Variants in SLC5A4 observed in about 807,000 individuals in gnomAD.
SLC5A4 encodes the protein probable glucose sensor protein SLC5A4.
In SLC5A4, 55 loss-of-function variants were observed where a neutral mutation model predicts 70.3. The ratio of observed to expected loss-of-function variants is 0.78; its 90% confidence interval spans 0.63 to 0.98. The LOEUF (loss-of-function observed/expected upper bound fraction) is 0.98, where lower values mean the gene tolerates loss of function less well. Among genes scored for constraint, SLC5A4 ranks in the 50% least tolerant of loss-of-function variants. SLC5A4 has a pLI of 0.00. For missense variants in SLC5A4, 735 were observed against 839.2 expected, an observed-to-expected ratio of 0.88 and a Z score of 1.53; for synonymous variants, 268 against 305.7, an observed-to-expected ratio of 0.88 and a Z score of 1.29.
At chr22:32,274,000 C>T in the SLC5A4 span, among the ~76,000 whole-genome samples, 1 of 149,690 alleles carries the variant, frequency 6.7e-6, no homozygotes, top group South Asian at 2.1e-4. Context: ...GAAAACTGTA[C>T]AAAACAGTGC....
At chr22:32,325,079 G>GC in the SLC5A4 span, among the ~76,000 whole-genome samples, 1 of 152,230 alleles carries the variant, frequency 6.6e-6, no homozygotes, top group Non-Finnish European at 1.5e-5. Context: ...AGGTCGCCTT[G>GC]CCCCTCATTG....
intron 5 of SLC5A4, among the ~76,000 whole-genome samples, chr22:32,240,599 T>C (rs1022012118): frequency 3.3e-5 from 5 of 152,196 alleles, no homozygotes; most frequent in African/African-American, 1.2e-4. Context: ...AAGAGACAAA[T>C]TGCGTAACAT....
intron 4 of SLC5A4, 84 bp downstream of exon 4, chr22:32,248,659 C>A: frequency 1.0e-6 from 1 of 971,342 alleles, no homozygotes; most frequent in Non-Finnish European, 1.7e-6. Context: ...CCTGGCAATA[C>A]TCATTGTCTC....
the SLC5A4 span, among the ~76,000 whole-genome samples, chr22:32,283,812 T>A: frequency 5.3e-5 from 8 of 152,174 alleles, no homozygotes; most frequent in African/African-American, 1.9e-4. Flanking sequence ...CTCACAAAAT[T>A]CCTAAAAATT....
chr22:32,278,763 A>G, the SLC5A4 span, among the ~76,000 whole-genome samples: 1 of 152,334 alleles, frequency 6.6e-6, no homozygotes, highest in Non-Finnish European at 1.5e-5. Context: ...AATTTTCTAC[A>G]TTGTAGTTAA....
the SLC5A4 span, among the ~76,000 whole-genome samples, chr22:32,306,309 C>A: frequency 7.5e-6 from 1 of 133,614 alleles, no homozygotes; most frequent in South Asian, 2.7e-4. Context: ...ACTAAAAATA[C>A]AAAAAATTAG....
chr22:32,341,561 A>T, the SLC5A4 span, among the ~76,000 whole-genome samples: 9,212 of 152,268 alleles, frequency 0.06, 527 homozygotes, highest in East Asian at 0.32. Context: ...GAATCCTGGG[A>T]CAGCAGAGCA....
chr22:32,226,677 A>AT (rs529788486), intron 11 of SLC5A4, among the ~76,000 whole-genome samples: 119 of 151,688 alleles, frequency 7.8e-4, no homozygotes, highest in Admixed American at 2.3e-3. Context: ...TACTGTTGGT[A>AT]TTTTTTTTTA....
intron 5 of SLC5A4, among the ~76,000 whole-genome samples, chr22:32,245,193 A>T (rs1926747860): frequency 6.6e-6 from 1 of 152,226 alleles, no homozygotes; most frequent in Non-Finnish European, 1.5e-5. Context: ...ATAAGTAACT[A>T]GGAGACAATC....
the SLC5A4 span, among the ~76,000 whole-genome samples, chr22:32,335,250 A>ACAGTTCAAGC: frequency 1.3e-5 from 2 of 152,182 alleles, no homozygotes; most frequent in African/African-American, 4.8e-5. Context: ...CACGTCTCAG[A>ACAGTTCAAGC]CAGCTCAAGC....
At chr22:32,338,006 CTCT>C in the SLC5A4 span, among the ~76,000 whole-genome samples, 8 of 96,232 alleles carry the variant, frequency 8.3e-5, no homozygotes, top group Non-Finnish European at 1.7e-4. Context: ...AGCTTGAACT[CTCT>C]TGAGTCAGTG....
the SLC5A4 span, chr22:32,273,307 A>G: frequency 8.7e-6 from 2 of 230,922 alleles, no homozygotes; most frequent in Non-Finnish European, 1.7e-5. Flanking sequence ...CTGTGCTACA[A>G]TTTCCATTAC....
At chr22:32,344,505 C>T in the SLC5A4 span, among the ~76,000 whole-genome samples, 1 of 152,098 alleles carries the variant, frequency 6.6e-6, no homozygotes, top group Non-Finnish European at 1.5e-5. Context: ...AAGTAACTGT[C>T]TCTTATGCGA....
intron 13 of SLC5A4, 113 bp downstream of exon 13, chr22:32,224,154 T>C (rs1925255045): frequency 1.3e-6 from 1 of 747,854 alleles, no homozygotes; most frequent in Non-Finnish European, 2.3e-6. Flanking sequence ...TCTCCTGACC[T>C]CGTGATCCGC....
At chr22:32,307,709 G>C in the SLC5A4 span, among the ~76,000 whole-genome samples, 14 of 152,224 alleles carry the variant, frequency 9.2e-5, no homozygotes, top group Non-Finnish European at 2.1e-4. Context: ...CTAGGGCACT[G>C]TGCCTGGCAT....
At chr22:32,353,461 G>A in the SLC5A4 span, among the ~76,000 whole-genome samples, 4 of 152,070 alleles carry the variant, frequency 2.6e-5, no homozygotes, top group African/African-American at 9.7e-5. Flanking sequence ...GATCCCCGCG[G>A]AAACGCTGTG....
chr22:32,227,436 G>C (rs942765083), intron 11 of SLC5A4, among the ~76,000 whole-genome samples: 1 of 152,180 alleles, frequency 6.6e-6, no homozygotes, highest in Non-Finnish European at 1.5e-5. Context: ...TTTGCCCCAA[G>C]TGTTTTAATT....
the SLC5A4 span, among the ~76,000 whole-genome samples, chr22:32,301,191 G>A: frequency 0.48 from 72,851 of 151,950 alleles, 17,621 homozygotes; most frequent in Admixed American, 0.51. Context: ...TTGAACTCCC[G>A]ACCTCATGAT....
At chr22:32,354,400 T>C in the SLC5A4 span, among the ~76,000 whole-genome samples, 3 of 150,976 alleles carry the variant, frequency 2.0e-5, no homozygotes, top group Admixed American at 2.0e-4. Context: ...CTGTGGGCAG[T>C]GCAGCTATGG....
Sources: allele counts gnomAD v4.1 joint callset (sites outside exome capture counted in the v4.1 genomes callset), GRCh38; gene constraint gnomAD v4.1.1; transcripts MANE v1.5; gene names NCBI Gene and HGNC (gene_info 2026-07-23, HGNC 2026-07-21).